Variants in EVC observed in about 807,000 individuals in gnomAD.
EVC encodes EvC ciliary complex subunit 1.
Under a neutral mutation model 118.9 loss-of-function variants are expected in EVC, and 116 were observed. The observed-to-expected ratio is 0.98, with a 90% confidence interval of 0.84 to 1.14. The LOEUF (loss-of-function observed/expected upper bound fraction) is 1.14. EVC is among the 50% of genes most tolerant of loss of function. EVC has a pLI of 0.00. For synonymous variants in EVC, 619 were observed against 534.7 expected (o/e 1.16, Z -2.18); for missense variants, 1,401 against 1,246.4 (o/e 1.12, Z -1.87).
intron 11 of EVC, among the ~76,000 whole-genome samples, chr4:5,769,217 G>A (rs575416795): frequency 6.6e-6 from 1 of 152,266 alleles, no homozygotes; most frequent in South Asian, 2.1e-4. Flanking sequence ...CATCTTAAAT[G>A]GCAGCAGGCA....
At position 5,745,375 on chromosome 4, in the gene EVC, T is replaced by G. The variant is rs781255824; in HGVS notation, c.939+34T>G. ...CAGACTTTCTTTCCTGTACACAAAT[T>G]TTGGTTCCTAAAACAGTTAAATTGG... On this transcript the variant is annotated intron_variant, in intron 7 of 20. Transcript: ENST00000264956. The G allele has an allele frequency of 1.1e-5, 18 of 1,604,780 alleles. No homozygotes were observed. The African/African-American group carries it at 2.6e-4, about 23-fold the overall frequency.
Position 5,746,122 on chromosome 4 carries a change from C to T in EVC, c.939+781C>T, listed in dbSNP as rs1330142350. 6.8e-6 allele frequency among the ~76,000 whole-genome samples: 1 copy of T among 146,586 alleles called. No homozygotes were observed. Among genetic ancestry groups the T allele is most frequent in the Non-Finnish European group, 1.5e-5 (1 of 66,328 alleles). On this transcript the variant is annotated intron_variant, in intron 7 of 20. Transcript: ENST00000264956. This position sits in a 1 kb window ranked among gnomAD's most constrained non-coding sequence, Gnocchi z 5.8. ...GAGAGCAAGTCGAGGTAAGGTAAAG[C>T]CAGAGGGATCTGGCCAGAGGGCTTG...
chr4:5,824,572 T>G, the EVC span: 1 of 974,712 alleles, frequency 1.0e-6, no homozygotes, highest in Non-Finnish European at 1.2e-6. Flanking sequence ...ACGGGTCCAT[T>G]GACCAAATCC....
intron 1 of EVC, among the ~76,000 whole-genome samples, chr4:5,717,069 T>C (rs117144415): frequency 6.6e-6 from 1 of 152,258 alleles, no homozygotes; most frequent in East Asian, 1.9e-4. Context: ...TTTCCTTTTA[T>C]ACGTTTTCTT....
At position 5,732,799 on chromosome 4, in the gene EVC, C is replaced by T. The variant is rs900105647; in HGVS notation, c.618-552C>T. ...CCAAGGTGGGTGGATTGCTTGAGCT[C>T]GGGAGTTTAAGACCAGCCCAGGCAA... On this transcript the variant is annotated intron_variant, in intron 4 of 20. Coordinates refer to ENST00000264956, the MANE Select transcript of EVC (RefSeq NM_153717.3). Among the ~76,000 whole-genome samples, 8 of 152,244 alleles carry T rather than the reference C, an allele frequency of 5.3e-5. No individual in the cohort carries two copies. The East Asian group carries it at 1.5e-3, about 29-fold the overall frequency.
downstream of EVC, among the ~76,000 whole-genome samples, chr4:5,815,668 C>T (rs1407288735): frequency 6.6e-6 from 1 of 152,186 alleles, no homozygotes; most frequent in Admixed American, 6.5e-5. Context: ...GTGGAAGCCC[C>T]TCCCTCTATG....
rs1722969987 is a variant in EVC, at chr4:5,711,339, C to T, written c.-42C>T. 1.9e-5 allele frequency: 19 copies of T among 1,006,782 alleles called. No homozygotes were observed. Among genetic ancestry groups the T allele is most frequent in the Non-Finnish European group, 2.2e-5 (19 of 844,626 alleles). 62.4% of individuals were successfully genotyped at this position (1,006,782 alleles called of 1,614,324 possible). A position where few individuals can be genotyped will look rare whatever the true frequency, so the allele number is the denominator to read the frequency against. ...CGCCGCCCTGGCGGGGACGGTGCAG[C>T]AGGCGGCGGGATGCGGCGGGGCGGC... On this transcript the variant is annotated 5_prime_UTR_variant, in exon 1 of 21. Transcript: ENST00000264956.
chr4:5,786,823 G>T (rs566517289), intron 12 of EVC, among the ~76,000 whole-genome samples: 1 of 141,790 alleles, frequency 7.1e-6, no homozygotes, highest in South Asian at 2.2e-4. Flanking sequence ...AGTGAGCCGA[G>T]ATCACGCCAC....
chr4:5,804,869 G>A lies in EVC; in HGVS notation c.2561+28G>A, dbSNP rs748918320. ...GAGGTCCCAACTGAGGTCCCACGTA[G>A]GGCTGTTCTCTACCCCATTCACATG... On this transcript the variant is annotated intron_variant, in intron 17 of 20. Coordinates refer to ENST00000264956, the MANE Select transcript of EVC (RefSeq NM_153717.3). 4 of 1,577,450 alleles carry A rather than the reference G, an allele frequency of 2.5e-6. 1 individual carries two copies. The South Asian group carries it at 4.4e-5, about 17-fold the overall frequency.
rs1726770223 is a variant in EVC, at chr4:5,731,290, C to T, written c.385-135C>T. 2 of 808,596 alleles carry T rather than the reference C, an allele frequency of 2.5e-6. No individual in the cohort carries two copies. Among genetic ancestry groups the T allele is most frequent in the East Asian group, 4.9e-5 (2 of 40,644 alleles). 50.1% of individuals were successfully genotyped at this position (808,596 alleles called of 1,614,324 possible). A position where few individuals can be genotyped will look rare whatever the true frequency, so the allele number is the denominator to read the frequency against. ...TGGGACGGAAACTCTGTGGTGTCTG[C>T]TGGCACCCTGGCCAGTCTCCTCCAG... is the stretch of plus-strand genomic sequence containing the variant. On this transcript the variant is annotated intron_variant, in intron 3 of 20. Coordinates refer to ENST00000264956, the MANE Select transcript of EVC (RefSeq NM_153717.3). This position sits in a 1 kb window ranked among gnomAD's most constrained non-coding sequence, Gnocchi z 5.6.
intron 12 of EVC, among the ~76,000 whole-genome samples, chr4:5,788,356 C>T (rs1044003801): frequency 6.6e-6 from 1 of 152,182 alleles, no homozygotes; most frequent in Admixed American, 6.5e-5. Flanking sequence ...CTTCTGTGCT[C>T]ACTCACATGG....
At chr4:5,725,008 A>G (rs1359793770) in intron 2 of EVC, among the ~76,000 whole-genome samples, 6 of 152,142 alleles carry the variant, frequency 3.9e-5, no homozygotes, top group African/African-American at 1.4e-4. Flanking sequence ...TAGTTTGCTG[A>G]GGATAATGGC....
At chr4:5,790,183 A>G (rs1712504178) in intron 12 of EVC, among the ~76,000 whole-genome samples, 2 of 151,030 alleles carry the variant, frequency 1.3e-5, no homozygotes, top group East Asian at 3.9e-4. Context: ...TCCATCTCAA[A>G]AAAAAAAAAA....
At chr4:5,800,194 A>C (rs1263760574) in intron 15 of EVC, among the ~76,000 whole-genome samples, 1 of 152,032 alleles carries the variant, frequency 6.6e-6, no homozygotes, top group Non-Finnish European at 1.5e-5. Context: ...AAAATACAAA[A>C]ATTAGCTAGG....
chr4:5,824,655 AACATCCTAGATGTTG>A, the EVC span: 1,245 of 944,026 alleles, frequency 1.3e-3, 8 homozygotes, highest in African/African-American at 0.022. Flanking sequence ...TATTGAATAT[AACATCCTAGATGTTG>A]ACATCCTAGA....
chr4:5,821,963 G>T, the EVC span: 12 of 839,952 alleles, frequency 1.4e-5, no homozygotes, highest in Admixed American at 3.0e-4. The surrounding 1 kb of genome is among the most constrained non-coding windows in gnomAD (Gnocchi z 4.4). Flanking sequence ...CTTCATTCAG[G>T]GCTCAGTCCA....
rs961441797 is a variant in EVC, at chr4:5,726,637, T to C, written c.301-2670T>C. Among the ~76,000 whole-genome samples, 49 of 149,238 alleles carry C rather than the reference T, an allele frequency of 3.3e-4. 1 individual carries two copies. The highest frequency in any genetic ancestry group is 1.1e-3 in the African/African-American group (45 of 40,634). On this transcript the variant is annotated intron_variant, in intron 2 of 20. Coordinates refer to ENST00000264956, the MANE Select transcript of EVC (RefSeq NM_153717.3). ...GCACATTGTGCAGGTTAGTTACATATGTATACATGTGCCATGCTGGTGCGC... is the reference window on the plus strand; with the variant it reads ...GCACATTGTGCAGGTTAGTTACATACGTATACATGTGCCATGCTGGTGCGC...
At chr4:5,763,472 G>A (rs56782013) in intron 11 of EVC, among the ~76,000 whole-genome samples, 3,029 of 117,576 alleles carry the variant, frequency 0.026, 21 homozygotes, top group Non-Finnish European at 0.03. Context: ...ATGGCATTGA[G>A]TCTATAAATT....
chr4:5,808,282 A>G lies in EVC; in HGVS notation c.2643A>G (p.Ala881=), dbSNP rs775736936. The change falls in exon 18 of 21, where the codon GCA becomes GCG. Residue 881 remains alanine, a synonymous_variant. Transcript: ENST00000264956. ...GTCTGCACGCCCAGCAGCAGCAGGC[A>G]GGAGTCATGGACCTTCTGGAAGCCC... The part of the protein sequence containing the change: ...QMRLHAQQQQ[A]GVMDLLEAQL... The G allele has an allele frequency of 5.6e-6, 9 of 1,614,094 alleles. No homozygotes were observed. The highest frequency in any genetic ancestry group is 3.3e-5 in the Admixed American group (2 of 59,998).
Sources: allele counts gnomAD v4.1 joint callset (sites outside exome capture counted in the v4.1 genomes callset), GRCh38; gene constraint gnomAD v4.1.1; non-coding constraint Gnocchi (gnomAD v3.1); transcripts MANE v1.5; gene names NCBI Gene and HGNC (gene_info 2026-07-23, HGNC 2026-07-21).